Variants in FBXO47 observed in about 807,000 individuals in gnomAD.
FBXO47 encodes F-box only protein 47.
Under a neutral mutation model 53.9 loss-of-function variants are expected in FBXO47, and 34 were observed. The ratio of observed to expected loss-of-function variants is 0.63; its 90% confidence interval spans 0.48 to 0.84. The LOEUF (loss-of-function observed/expected upper bound fraction) is 0.84. Among genes scored for constraint, FBXO47 ranks in the 40% least tolerant of loss-of-function variants. The pLI is 0.00. For missense variants in FBXO47, 485 were observed against 541.3 expected (o/e 0.90, Z 1.03); for synonymous variants, 165 against 181.6 (o/e 0.91, Z 0.73).
At position 38,948,264 on chromosome 17, in the gene FBXO47, G is replaced by A. The variant is rs113281134; in HGVS notation, c.617-3128C>T. ...AGTCTTGCTCGTCACCCAGGCGGGA[G>A]TGCAGTGGTGTGATCTCGGCTCATT... is the stretch of plus-strand genomic sequence containing the variant. On this transcript the variant is annotated intron_variant, in intron 6 of 10. Transcript: ENST00000378079. 2.1e-3 allele frequency among the ~76,000 whole-genome samples: 311 copies of A among 146,484 alleles called. 4 individuals carry two copies. The highest frequency in any genetic ancestry group is 7.5e-3 in the African/African-American group (297 of 39,498).
chr17:38,962,608 AAATAATAAT>A (rs58127654), intron 2 of FBXO47, among the ~76,000 whole-genome samples: 19 of 146,302 alleles, frequency 1.3e-4, no homozygotes, highest in Middle Eastern at 3.6e-3. Context: ...CTCCATCTCA[AAATAATAAT>A]AATAATAATA....
intron 1 of FBXO47, among the ~76,000 whole-genome samples, chr17:38,966,004 A>G (rs1412638975): frequency 1.3e-5 from 2 of 152,174 alleles, no homozygotes; most frequent in Non-Finnish European, 1.5e-5. Context: ...TTACATACAT[A>G]TATTTCTTTT....
At chr17:38,958,761 T>C (rs1186004564) in intron 3 of FBXO47, among the ~76,000 whole-genome samples, 1 of 152,188 alleles carries the variant, frequency 6.6e-6, no homozygotes, top group Non-Finnish European at 1.5e-5. Context: ...GTCTAACTTA[T>C]TTTTAGAAGT....
rs1904359554 is a variant in FBXO47, at chr17:38,938,609, A to G, written c.1207T>C (p.Cys403Arg). The change falls in exon 10 of 11, where the codon TGT (cysteine) becomes CGT (arginine). Residue 403 changes from cysteine to arginine, a missense_variant. Physicochemically the swap from Cys to Arg is radical, Grantham distance 180. Coordinates refer to ENST00000378079, the MANE Select transcript of FBXO47 (RefSeq NM_001008777.3). ...FLQNVANAFA[C>R]VIMEMLQSIM... ...GATTGCAGCATTTCCATTATAACAC[A>G]TGCAAATGCATTTGCCACATTCTGC... 2.5e-6 allele frequency: 4 copies of G among 1,613,314 alleles called. No individual in the cohort carries two copies. The highest frequency in any genetic ancestry group is 3.4e-6 in the Non-Finnish European group (4 of 1,179,646).
At position 38,942,936 on chromosome 17, in the gene FBXO47, G is replaced by A; in HGVS notation, c.941-16C>T. 6.3e-7 allele frequency: 1 copy of A among 1,591,556 alleles called. No homozygotes were observed. The stretch of plus-strand genomic sequence containing the variant: ...CGGGGAACCACTTTTATTAGAGGAA[G>A]AACAATTATTTAATGAGAAATCACA... On this transcript the variant is annotated splice_polypyrimidine_tract_variant and intron_variant, in intron 8 of 10. Transcript: ENST00000378079.
At chr17:38,939,639 A>C (rs1904410759) in intron 9 of FBXO47, among the ~76,000 whole-genome samples, 1 of 148,662 alleles carries the variant, frequency 6.7e-6, no homozygotes, top group East Asian at 2.0e-4. Flanking sequence ...ACTGACTGAA[A>C]AGTAAAAGGT....
intron 8 of FBXO47, 107 bp from the exon 9 acceptor site, chr17:38,943,027 G>A (rs1020333122): frequency 6.8e-6 from 7 of 1,028,978 alleles, no homozygotes; most frequent in Non-Finnish European, 9.7e-6. Context: ...TACAATTAGT[G>A]CCAAGGGAAA....
At chr17:38,964,516 AACCTGGG>A (rs1161622769) in intron 1 of FBXO47, among the ~76,000 whole-genome samples, 1 of 151,998 alleles carries the variant, frequency 6.6e-6, no homozygotes, top group Non-Finnish European at 1.5e-5. Context: ...AAATTGCTGG[AACCTGGG>A]AGGCGGAGGT....
chr17:38,943,824 A>G lies in FBXO47; in HGVS notation c.794-88T>C, dbSNP rs1187202886. The G allele has an allele frequency of 4.4e-6, 5 of 1,126,010 alleles. No individual in the cohort carries two copies. In the African/African-American group the frequency reaches 8.1e-5, roughly 18 times the overall value. The allele number at this position is 1,126,010 out of a possible 1,614,324, so 69.8% of individuals were successfully genotyped here. On this transcript the variant is annotated intron_variant, in intron 7 of 10. Coordinates refer to ENST00000378079, the MANE Select transcript of FBXO47 (RefSeq NM_001008777.3). ...AAAAGGAAAGTGAATTGCACAATGG[A>G]ATCCCATTACTTATACAAGCTACTT...
At chr17:38,966,927 T>C (rs962312478) in intron 1 of FBXO47, among the ~76,000 whole-genome samples, 1 of 152,096 alleles carries the variant, frequency 6.6e-6, no homozygotes, top group African/African-American at 2.4e-5. Flanking sequence ...ATCCCACTAA[T>C]TTTGACCGCG....
At chr17:38,952,986 A>T (rs1905372891) in intron 5 of FBXO47, among the ~76,000 whole-genome samples, 1 of 151,556 alleles carries the variant, frequency 6.6e-6, no homozygotes, top group Admixed American at 6.6e-5. Flanking sequence ...CAAACAAAAC[A>T]CTTTCATTGG....
At chr17:38,966,452 G>A (rs1291795200) in intron 1 of FBXO47, among the ~76,000 whole-genome samples, 8 of 152,214 alleles carry the variant, frequency 5.3e-5, no homozygotes, top group Non-Finnish European at 1.2e-4. Flanking sequence ...CGCCTGCCCC[G>A]GCCTCCCAAA....
intron 5 of FBXO47, among the ~76,000 whole-genome samples, chr17:38,953,130 C>T (rs1905384481): frequency 1.6e-5 from 2 of 121,770 alleles, no homozygotes; most frequent in Admixed American, 1.6e-4. Flanking sequence ...AAAAACCACA[C>T]ACACACACAC....
Position 38,957,225 on chromosome 17 carries a change from C to T in FBXO47, c.381G>A (p.Leu127=), listed in dbSNP as rs1905597077. Residue 127 remains leucine, a synonymous_variant, in exon 4 of 11, where the codon CTG becomes CTA. Coordinates refer to ENST00000378079, the MANE Select transcript of FBXO47 (RefSeq NM_001008777.3). ...ATTTTAGCCTTTCCTTGGTGGGTAG[C>T]AGCAATGTGCATCTTTTAAACAGTA... ...LGLLFKRCTL[L]LPTKERLKYI... 6.2e-7 allele frequency: 1 copy of T among 1,611,456 alleles called. No homozygotes were observed. Among genetic ancestry groups the T allele is most frequent in the Non-Finnish European group, 8.5e-7 (1 of 1,178,140 alleles).
intron 9 of FBXO47, among the ~76,000 whole-genome samples, chr17:38,939,484 A>G (rs1904405486): frequency 6.7e-6 from 1 of 149,178 alleles, no homozygotes; most frequent in South Asian, 2.1e-4. Flanking sequence ...AAGAAGTCCA[A>G]TGAAGGTGAT....
At chr17:38,947,636 G>A (rs1426506039) in intron 6 of FBXO47, among the ~76,000 whole-genome samples, 3 of 152,168 alleles carry the variant, frequency 2.0e-5, no homozygotes, top group Admixed American at 1.3e-4. Context: ...ACGGCCAGGC[G>A]TGGTGGCTCA....
At chr17:38,963,145 A>G (rs1905905870) in intron 1 of FBXO47, 94 bp from the exon 2 acceptor site, 1 of 725,396 alleles carries the variant, frequency 1.4e-6, no homozygotes, top group Non-Finnish European at 2.3e-6. Flanking sequence ...TGATAGTACG[A>G]TATGCAATAG....
rs139642802 is a variant in FBXO47 at position 38,937,246 on chromosome 17, G to A, written c.1288C>T (p.Leu430Phe). Residue 430 changes from leucine to phenylalanine, a missense_variant, in exon 11 of 11, where the codon CTT becomes TTT. Transcript: ENST00000378079. Reference protein sequence around the residue: ...DDRSFLNLFHLVHAQANFHKE... With the variant: ...DDRSFLNLFHFVHAQANFHKE... The stretch of plus-strand genomic sequence containing the variant: ...TGGAAGTTAGCCTGAGCATGTACAA[G>A]ATGGAACAAATTCAAAAAGCTTCTG... The A allele has an allele frequency of 2.0e-5, 32 of 1,610,544 alleles. No homozygotes were observed. Among genetic ancestry groups the A allele is most frequent in the Non-Finnish European group, 2.5e-5 (30 of 1,177,494 alleles).
chr17:38,961,362 T>C (rs1187058780), intron 3 of FBXO47, among the ~76,000 whole-genome samples: 1 of 152,224 alleles, frequency 6.6e-6, no homozygotes, highest in Non-Finnish European at 1.5e-5. Context: ...GCATAAATGA[T>C]TACAAATTAA....
Sources: gnomAD v4.1 joint callset for allele counts (sites outside exome capture counted in the v4.1 genomes callset) on GRCh38, gnomAD v4.1.1 for gene constraint, MANE v1.5 for transcripts, NCBI Gene and HGNC (gene_info 2026-07-23, HGNC 2026-07-21) for gene names.